GPC6: variants seen among roughly 807,000 people sequenced by gnomAD.
GPC6 encodes the protein glypican 6.
GPC6 carries 14 observed loss-of-function variants against 55.2 expected under a neutral mutation model. That is an observed-to-expected ratio of 0.25 (90% CI 0.17 to 0.40). GPC6 has a LOEUF of 0.40. GPC6 is among the 10% of genes least tolerant of loss of function. The pLI is 1.00. For missense variants in GPC6, 641 were observed against 708.5 expected (o/e 0.90, Z 1.08); for synonymous variants, 278 against 259.6 (o/e 1.07, Z -0.68).
At chr13:93,617,878 G>A (rs561499740) in intron 2 of GPC6, among the ~76,000 whole-genome samples, 3 of 152,078 alleles carry the variant, frequency 2.0e-5, no homozygotes, top group Admixed American at 1.3e-4. Flanking sequence ...TCAAAAGTCA[G>A]GTGTGTTATT....
intron 3 of GPC6, among the ~76,000 whole-genome samples, chr13:94,024,071 C>A (rs576888153): frequency 6.7e-6 from 1 of 150,164 alleles, no homozygotes; most frequent in Non-Finnish European, 1.5e-5. Flanking sequence ...CAAATGAATA[C>A]ATGAAATAAA....
chr13:93,857,877 T>C (rs1888674340), intron 3 of GPC6, among the ~76,000 whole-genome samples: 1 of 151,436 alleles, frequency 6.6e-6, no homozygotes, highest in East Asian at 1.9e-4. Context: ...ATAAATAATA[T>C]ATAGGGTCAA....
At chr13:93,801,391 G>A (rs556368284) in intron 2 of GPC6, among the ~76,000 whole-genome samples, 2 of 152,296 alleles carry the variant, frequency 1.3e-5, no homozygotes, top group African/African-American at 4.8e-5. Context: ...TTCTGACAGT[G>A]GTGATAGGGA....
intron 4 of GPC6, among the ~76,000 whole-genome samples, chr13:94,121,463 C>G (rs1886627065): frequency 6.6e-6 from 1 of 151,984 alleles, no homozygotes; most frequent in Admixed American, 6.6e-5. Context: ...AAAAGTCATT[C>G]AATAAAAATG....
intron 1 of GPC6, among the ~76,000 whole-genome samples, chr13:93,231,761 A>G (rs1202666425): frequency 6.6e-6 from 1 of 152,066 alleles, no homozygotes; most frequent in East Asian, 1.9e-4. Flanking sequence ...ATGGGGCTAG[A>G]GGGAGTAAGA....
chr13:93,852,304 A>T (rs1356058603), intron 3 of GPC6, among the ~76,000 whole-genome samples: 1 of 151,770 alleles, frequency 6.6e-6, no homozygotes, highest in African/African-American at 2.4e-5. Context: ...CATACTTTGT[A>T]AACTGCATAT....
At chr13:93,429,545 C>T (rs1877278309) in intron 1 of GPC6, among the ~76,000 whole-genome samples, 1 of 152,094 alleles carries the variant, frequency 6.6e-6, no homozygotes, top group African/African-American at 2.4e-5. Context: ...AGACACACTG[C>T]CCATTCATGA....
At chr13:93,774,701 C>T (rs987665887) in intron 2 of GPC6, among the ~76,000 whole-genome samples, 1 of 152,150 alleles carries the variant, frequency 6.6e-6, no homozygotes, top group African/African-American at 2.4e-5. Context: ...CATCGGTAAG[C>T]ATTTCAGAGA....
intron 4 of GPC6, among the ~76,000 whole-genome samples, chr13:94,250,667 T>C (rs1891321027): frequency 6.6e-6 from 1 of 152,104 alleles, no homozygotes. Context: ...AACTCCCCTG[T>C]GAGAAAAACA....
chr13:93,690,377 C>A (rs1405318985), intron 2 of GPC6, among the ~76,000 whole-genome samples: 8 of 151,930 alleles, frequency 5.3e-5, no homozygotes, highest in Admixed American at 4.6e-4. Flanking sequence ...AAGTCTAGGA[C>A]CATGGACAGC....
At chr13:94,323,168 C>T (rs764759553) in intron 6 of GPC6, among the ~76,000 whole-genome samples, 2 of 152,106 alleles carry the variant, frequency 1.3e-5, no homozygotes, top group Admixed American at 6.6e-5. Context: ...AACCCCTGAG[C>T]GGAGCCTGCC....
intron 1 of GPC6, among the ~76,000 whole-genome samples, chr13:93,329,233 A>C (rs190810836): frequency 2.0e-4 from 30 of 152,306 alleles, no homozygotes; most frequent in African/African-American, 6.3e-4. Context: ...AACTGCCCAC[A>C]GATAAAATTT....
At chr13:93,404,536 T>A (rs918307188) in intron 1 of GPC6, among the ~76,000 whole-genome samples, 1 of 152,112 alleles carries the variant, frequency 6.6e-6, no homozygotes, top group South Asian at 2.1e-4. Context: ...TCTCAGGACG[T>A]TTTGTGTAGA....
chr13:94,295,926 G>C (rs777648632), intron 5 of GPC6, among the ~76,000 whole-genome samples: 25 of 151,554 alleles, frequency 1.6e-4, no homozygotes, highest in Non-Finnish European at 3.1e-4. Context: ...TTTGTATTCT[G>C]CCTATCAGTT....
chr13:93,591,157 AAG>A (rs200761982), intron 2 of GPC6, among the ~76,000 whole-genome samples: 2,064 of 97,810 alleles, frequency 0.021, 100 homozygotes, highest in African/African-American at 0.039. Context: ...AATAAAGCAA[AAG>A]AAAAAAAAAA....
chr13:94,367,912 A>T (rs1216964369), intron 6 of GPC6, among the ~76,000 whole-genome samples: 1 of 152,008 alleles, frequency 6.6e-6, no homozygotes, highest in African/African-American at 2.4e-5. Flanking sequence ...GCACTTTGGG[A>T]GGCTGAGGCG....
chr13:93,345,463 T>C (rs939003333), intron 1 of GPC6, among the ~76,000 whole-genome samples: 3 of 151,842 alleles, frequency 2.0e-5, no homozygotes, highest in Admixed American at 6.6e-5. Context: ...GTAAACAGCA[T>C]CTCATACCAA....
chr13:94,052,698 CT>C (rs2138755743), intron 4 of GPC6, among the ~76,000 whole-genome samples: 1 of 152,202 alleles, frequency 6.6e-6, no homozygotes, highest in South Asian at 2.1e-4. Flanking sequence ...CATTTTTCCC[CT>C]TAGTGTCCTC....
intron 4 of GPC6, among the ~76,000 whole-genome samples, chr13:94,207,275 C>T (rs747460646): frequency 2.6e-5 from 4 of 152,132 alleles, no homozygotes; most frequent in South Asian, 4.1e-4. Context: ...ATTACTATAC[C>T]GCACTAAGAC....
Sources: gnomAD v4.1 joint callset for allele counts (sites outside exome capture counted in the v4.1 genomes callset) on GRCh38, gnomAD v4.1.1 for gene constraint, MANE v1.5 for transcripts, NCBI Gene and HGNC (gene_info 2026-07-23, HGNC 2026-07-21) for gene names.